COL4A6: variants seen among roughly 807,000 people sequenced by gnomAD.
COL4A6 encodes the protein collagen type IV alpha 6 chain, also known as collagen alpha-6(IV) chain.
In COL4A6, 59 loss-of-function variants were observed where a neutral mutation model predicts 126.7. That is an observed-to-expected ratio of 0.47 (90% CI 0.38 to 0.58). The LOEUF (loss-of-function observed/expected upper bound fraction) is 0.58, where lower values mean the gene tolerates loss of function less well. Ranked by LOEUF, COL4A6 falls within the 20% of genes least tolerant of loss-of-function variation. The pLI, the probability that COL4A6 is intolerant of heterozygous loss-of-function variation, is 0.00. For synonymous variants in COL4A6, 547 were observed against 496.6 expected, an observed-to-expected ratio of 1.10 and a Z score of -1.35; for missense variants, 1,285 against 1,337.3, an observed-to-expected ratio of 0.96 and a Z score of 0.61.
intron 3 of COL4A6, among the ~76,000 whole-genome samples, chrX:108,298,213 G>A (rs1048360276): frequency 1.5e-4 from 17 of 111,986 alleles, no homozygotes; most frequent in African/African-American, 5.2e-4. Flanking sequence ...AACAAGGGAC[G>A]TTTTAGGCCT....
intron 2 of COL4A6, among the ~76,000 whole-genome samples, chrX:108,389,537 C>T (rs960335088): frequency 2.7e-5 from 3 of 110,962 alleles, no homozygotes; most frequent in Non-Finnish European, 5.7e-5. Flanking sequence ...AGGATTGCAA[C>T]CCCTGCTTTT....
chrX:108,425,414 CA>C (rs2064058905), intron 2 of COL4A6, among the ~76,000 whole-genome samples: 1 of 110,668 alleles, frequency 9.0e-6, no homozygotes, highest in African/African-American at 3.3e-5. Context: ...ATAAAATAAA[CA>C]GAAATAAACT....
At chrX:108,425,167 A>ATGTG (rs3081000) in intron 2 of COL4A6, among the ~76,000 whole-genome samples, 1 of 89,224 alleles carries the variant, frequency 1.1e-5, no homozygotes, top group South Asian at 6.6e-4. Flanking sequence ...AGTTAACTGT[A>ATGTG]TGTGTGTGTG....
At chrX:108,405,499 A>G (rs1362039068) in intron 2 of COL4A6, among the ~76,000 whole-genome samples, 8 of 111,388 alleles carry the variant, frequency 7.2e-5, no homozygotes, top group African/African-American at 1.6e-4. Context: ...ATTCAGTATC[A>G]TTGTTAACTA....
intron 2 of COL4A6, among the ~76,000 whole-genome samples, chrX:108,422,053 T>C (rs1417609049): frequency 8.9e-6 from 1 of 112,330 alleles, no homozygotes; most frequent in Non-Finnish European, 1.9e-5. Flanking sequence ...TGTGGCATCA[T>C]ATTGGCAACT....
chrX:108,204,356 T>G lies in COL4A6; in HGVS notation c.744A>C (p.Glu248Asp). The G allele has an allele frequency of 8.3e-7, 1 of 1,204,867 alleles. No homozygotes were observed. The highest frequency in any genetic ancestry group is 1.1e-6 in the Non-Finnish European group (1 of 891,323). Residue 248 changes from glutamate (E) to aspartate (D), a missense_variant, in exon 12 of 45, where the codon GAA becomes GAC. Transcript: ENST00000334504. ...TCTTCCCTTTGGGGAATCCCATGAA[T>G]TCCAGCTCTCCAGTAGATGGTGGAG... ...AGPPPSTGEL[E>D]FMGFPKGKKG...
At chrX:108,272,914 T>TA (rs1444193715) in intron 3 of COL4A6, among the ~76,000 whole-genome samples, 1 of 110,124 alleles carries the variant, frequency 9.1e-6, no homozygotes, top group African/African-American at 3.3e-5. Context: ...TTTATATATA[T>TA]TTTTTACTTT....
At chrX:108,337,025 T>C (rs946408879) in intron 2 of COL4A6, among the ~76,000 whole-genome samples, 3 of 111,340 alleles carry the variant, frequency 2.7e-5, no homozygotes, top group African/African-American at 9.8e-5. Context: ...ATTTCTTCTC[T>C]GCCTCTAGTC....
intron 2 of COL4A6, among the ~76,000 whole-genome samples, chrX:108,417,719 A>C (rs1272262342): frequency 8.9e-6 from 1 of 112,103 alleles, no homozygotes; most frequent in Non-Finnish European, 1.9e-5. Context: ...ATAGTATGAA[A>C]ACCCGATACA....
intron 2 of COL4A6, among the ~76,000 whole-genome samples, chrX:108,400,990 C>T (rs1479108662): frequency 3.6e-5 from 4 of 111,255 alleles, no homozygotes; most frequent in Non-Finnish European, 7.6e-5. Context: ...TCTATGTTCT[C>T]TTGTAGAATT....
rs957884121 is a variant in COL4A6 at position 108,156,689 on chromosome X, G to A, written c.*311C>T. 2 of 319,419 alleles carry A rather than the reference G, an allele frequency of 6.3e-6. No homozygotes were observed. The highest frequency in any genetic ancestry group is 5.2e-5 in the African/African-American group (2 of 38,184). The allele number at this position is 319,419 out of a possible 1,213,427, so 26.3% of individuals were successfully genotyped here. A position where few individuals can be genotyped will look rare whatever the true frequency, so the allele number is the denominator to read the frequency against. ...TTCCGATCAAGACGGTAAGGAGAAA[G>A]CTAGCAGTCTAAGACAGTTGTGGCC... is the stretch of plus-strand genomic sequence containing the variant. On this transcript the variant is annotated 3_prime_UTR_variant, in exon 45 of 45. Transcript: ENST00000334504.
At chrX:108,420,116 G>T (rs1471638706) in intron 2 of COL4A6, among the ~76,000 whole-genome samples, 3 of 111,553 alleles carry the variant, frequency 2.7e-5, no homozygotes, top group Non-Finnish European at 1.9e-5. Flanking sequence ...GCTGCTCACT[G>T]AACATTTTCA....
intron 3 of COL4A6, among the ~76,000 whole-genome samples, chrX:108,294,749 G>A (rs1406420920): frequency 9.0e-6 from 1 of 110,975 alleles, no homozygotes; most frequent in African/African-American, 3.3e-5. Flanking sequence ...GCAAAATGGG[G>A]TTTAAAATAA....
At chrX:108,366,234 T>A (rs1321718824) in intron 2 of COL4A6, among the ~76,000 whole-genome samples, 1 of 111,587 alleles carries the variant, frequency 9.0e-6, no homozygotes, top group Non-Finnish European at 1.9e-5. Context: ...TTCATCCCCA[T>A]TTTACACGAT....
intron 2 of COL4A6, among the ~76,000 whole-genome samples, chrX:108,420,872 T>C (rs908068165): frequency 1.1e-4 from 12 of 111,729 alleles, no homozygotes; most frequent in Admixed American, 3.8e-4. Context: ...TCAGTCTATT[T>C]AGTAGCAGAA....
At chrX:108,232,820 A>T (rs1216205615) in intron 3 of COL4A6, among the ~76,000 whole-genome samples, 1 of 111,858 alleles carries the variant, frequency 8.9e-6, no homozygotes, top group East Asian at 2.8e-4. Flanking sequence ...AAAAGGAGCT[A>T]TAGTTTCATT....
intron 2 of COL4A6, among the ~76,000 whole-genome samples, chrX:108,353,860 A>G (rs1425656798): frequency 8.9e-6 from 1 of 112,494 alleles, no homozygotes; most frequent in Non-Finnish European, 1.9e-5. Context: ...GTTTTGATAG[A>G]AAGTGATGCT....
At position 108,273,600 on chromosome X, in the gene COL4A6, G is replaced by A. The variant is rs953313110; in HGVS notation, c.144+37148C>T. ...CCAACCCAAATGTCCATCAATGATA[G>A]ACTGGATTAAGAAAATATGGTACAT... On this transcript the variant is annotated intron_variant, in intron 3 of 44. Transcript: ENST00000334504. Among the ~76,000 whole-genome samples the A allele has an allele frequency of 3.6e-5, 4 of 112,488 alleles. No homozygotes were observed. The East Asian group carries it at 1.1e-3, about 31-fold the overall frequency.
intron 2 of COL4A6, among the ~76,000 whole-genome samples, chrX:108,345,677 G>A (rs2039690105): frequency 9.0e-6 from 1 of 111,662 alleles, no homozygotes; most frequent in Non-Finnish European, 1.9e-5. Flanking sequence ...AATTTTGTGG[G>A]TTGGTGATTA....
Sources: gnomAD v4.1 joint callset for allele counts (sites outside exome capture counted in the v4.1 genomes callset) on GRCh38, gnomAD v4.1.1 for gene constraint, MANE v1.5 for transcripts, NCBI Gene and HGNC (gene_info 2026-07-23, HGNC 2026-07-21) for gene names.